ZNF292: variants seen among roughly 807,000 people sequenced by gnomAD.
ZNF292 encodes the protein 16 zinc-finger domain protein.
Under a neutral mutation model 217.9 loss-of-function variants are expected in ZNF292, and 26 were observed. That is an observed-to-expected ratio of 0.12 (90% CI 0.09 to 0.17). The LOEUF is 0.17. Among genes scored for constraint, ZNF292 ranks in the 10% least tolerant of loss-of-function variants. The probability of loss-of-function intolerance (pLI) is 1.00; values close to 1 mark genes in which losing one functional copy is unlikely to be tolerated. For missense variants in ZNF292, 2,904 were observed against 3,175.2 expected (o/e 0.91, Z 2.05); for synonymous variants, 1,257 against 1,124.1 (o/e 1.12, Z -2.37).
chr6:87,169,543 C>T (rs979299659), intron 1 of ZNF292: 5 of 282,884 alleles, frequency 1.8e-5, no homozygotes, highest in East Asian at 1.1e-4. Context: ...TTTGATTTAC[C>T]AAAGTTGATT....
chr6:87,189,218 T>A (rs1271524148), intron 1 of ZNF292, among the ~76,000 whole-genome samples: 1 of 151,800 alleles, frequency 6.6e-6, no homozygotes, highest in African/African-American at 2.4e-5. Flanking sequence ...AATAAATAAA[T>A]AAAAATAAAT....
intron 5 of ZNF292, among the ~76,000 whole-genome samples, chr6:87,234,374 T>C (rs1339484513): frequency 6.6e-6 from 1 of 152,022 alleles, no homozygotes; most frequent in East Asian, 1.9e-4. Context: ...CTGGCCAACG[T>C]AGTGAAACTC....
At chr6:87,225,691 T>G (rs1045607467) in intron 4 of ZNF292, among the ~76,000 whole-genome samples, 1 of 152,202 alleles carries the variant, frequency 6.6e-6, no homozygotes, top group Admixed American at 6.5e-5. Flanking sequence ...TTTCTACAGT[T>G]TTGCAAGAAG....
chr6:87,260,823 A>G lies in ZNF292; in HGVS notation c.7194A>G (p.Thr2398=). Residue 2398 remains threonine (T), a synonymous_variant, in exon 8 of 8, where the codon ACA becomes ACG. Transcript: ENST00000369577. ...TAAAGGGATGTACTTCAGTTGTTACAAGTGAAAGCAATATAATTAGACATT... is the reference window on the plus strand; with the variant it reads ...TAAAGGGATGTACTTCAGTTGTTACGAGTGAAAGCAATATAATTAGACATT... ...CMIKGCTSVV[T]SESNIIRHYK... is the part of the protein sequence containing the mutation. 6.2e-7 allele frequency: 1 copy of G among 1,612,444 alleles called. No homozygotes were observed. Among genetic ancestry groups the G allele is most frequent in the Non-Finnish European group, 8.5e-7 (1 of 1,179,124 alleles).
intron 1 of ZNF292, among the ~76,000 whole-genome samples, chr6:87,166,103 G>A (rs1419195957): frequency 6.6e-6 from 1 of 152,070 alleles, no homozygotes; most frequent in Non-Finnish European, 1.5e-5. Context: ...AACATATTAT[G>A]TTCACAGAAC....
chr6:87,251,986 T>C (rs1774940540), intron 7 of ZNF292, among the ~76,000 whole-genome samples: 1 of 152,194 alleles, frequency 6.6e-6, no homozygotes, highest in Middle Eastern at 3.2e-3. Flanking sequence ...TTTAGATGTG[T>C]CTTGTGAGCA....
chr6:87,169,432 A>G (rs1288368105), intron 1 of ZNF292, among the ~76,000 whole-genome samples: 2 of 152,084 alleles, frequency 1.3e-5, no homozygotes, highest in Admixed American at 1.3e-4. Flanking sequence ...GTAATTAACA[A>G]TTGGCTTGGT....
In ZNF292 at chr6:87,263,983, C is replaced by A. The variant is rs772639772; in HGVS notation, c.*2182C>A. Reference sequence around the variant, plus strand: ...AGACATTTCTAATTGTTTTACATGTCATGGGGAAGAGTTTGCCAACATTTA... The same window carrying A: ...AGACATTTCTAATTGTTTTACATGTAATGGGGAAGAGTTTGCCAACATTTA... On this transcript the variant is annotated 3_prime_UTR_variant, in exon 8 of 8. Coordinates refer to ENST00000369577, the MANE Select transcript of ZNF292 (RefSeq NM_015021.3). 7 of 151,966 alleles carry A rather than the reference C, an allele frequency of 4.6e-5. No individual in the cohort carries two copies. The highest frequency in any genetic ancestry group is 8.8e-5 in the Non-Finnish European group (6 of 67,982). 9.4% of individuals were successfully genotyped at this position (151,966 alleles called of 1,614,324 possible). A position where few individuals can be genotyped will look rare whatever the true frequency, so the allele number is the denominator to read the frequency against.
intron 1 of ZNF292, among the ~76,000 whole-genome samples, chr6:87,190,108 G>A (rs944592230): frequency 2.0e-4 from 30 of 152,158 alleles, no homozygotes; most frequent in Non-Finnish European, 4.0e-4. Flanking sequence ...GTGTGTATGT[G>A]TGTATGCATA....
At chr6:87,221,501 G>A (rs1773079638) in intron 4 of ZNF292, among the ~76,000 whole-genome samples, 1 of 152,122 alleles carries the variant, frequency 6.6e-6, no homozygotes, top group African/African-American at 2.4e-5. Context: ...TGAAAATTGT[G>A]AAAACTAATT....
chr6:87,247,767 A>G (rs1184771282), intron 7 of ZNF292, among the ~76,000 whole-genome samples: 1 of 152,206 alleles, frequency 6.6e-6, no homozygotes, highest in East Asian at 1.9e-4. Flanking sequence ...TAAATAATAT[A>G]ATTATGGAAA....
Position 87,263,888 on chromosome 6 carries a change from C to G in ZNF292, c.*2087C>G, listed in dbSNP as rs1003152055. On this transcript the variant is annotated 3_prime_UTR_variant, in exon 8 of 8. Coordinates refer to ENST00000369577, the MANE Select transcript of ZNF292 (RefSeq NM_015021.3). ...ATTTCTGATCATTGTAACTATGAGC[C>G]ACTGTTAAGTGAAAATGCCAATGTA... The G allele has an allele frequency of 6.6e-6, 1 of 151,992 alleles. No individual in the cohort carries two copies. The highest frequency in any genetic ancestry group is 1.5e-5 in the Non-Finnish European group (1 of 67,976). 9.4% of individuals were successfully genotyped at this position (151,992 alleles called of 1,614,324 possible).
Position 87,215,300 on chromosome 6 carries a change from AAC to A in ZNF292, c.169-600_169-599del, listed in dbSNP as rs529828600. ...GATGAGAAATATTTTTAATTAAAAA[AAC>A]ACTATTACAAAAATTACTTAACCTT... On this transcript the variant is annotated intron_variant, in intron 1 of 7. Coordinates refer to ENST00000369577, the MANE Select transcript of ZNF292 (RefSeq NM_015021.3). 3.3e-3 allele frequency among the ~76,000 whole-genome samples: 510 copies of A among 152,274 alleles called. 2 individuals carry two copies. The highest frequency in any genetic ancestry group is 4.2e-3 in the Non-Finnish European group (284 of 68,000).
intron 1 of ZNF292, among the ~76,000 whole-genome samples, chr6:87,211,953 C>T (rs1482701292): frequency 6.6e-6 from 1 of 152,006 alleles, no homozygotes; most frequent in Admixed American, 6.6e-5. Flanking sequence ...GAAGGGGTGT[C>T]GTAACAAAAA....
At chr6:87,201,858 G>T (rs1248568206) in intron 1 of ZNF292, among the ~76,000 whole-genome samples, 2 of 152,124 alleles carry the variant, frequency 1.3e-5, no homozygotes, top group Non-Finnish European at 2.9e-5. Context: ...TTCCTCACTG[G>T]TTTCTGATGG....
At chr6:87,200,437 C>A (rs1264657015) in intron 1 of ZNF292, among the ~76,000 whole-genome samples, 2 of 151,992 alleles carry the variant, frequency 1.3e-5, no homozygotes, top group Admixed American at 1.3e-4. Flanking sequence ...TAAAAACATT[C>A]CCTTTCTATG....
chr6:87,223,078 G>A (rs1267505824), intron 4 of ZNF292: 3 of 193,024 alleles, frequency 1.6e-5, no homozygotes, highest in Non-Finnish European at 3.3e-5. Context: ...TTTTTTGTTT[G>A]TTTGTTTGTT....
In ZNF292 at chr6:87,260,825, G is replaced by C. The variant is rs1775539079; in HGVS notation, c.7196G>C (p.Ser2399Thr). The change falls in exon 8 of 8, where the codon AGT (serine) becomes ACT (threonine). Residue 2399 changes from serine to threonine, a missense_variant. This residue lies in a region of ZNF292 where 27 missense variants were observed against 52.3 expected (regional missense o/e 0.52). Transcript: ENST00000369577. Reference sequence around the variant, plus strand: ...AAGGGATGTACTTCAGTTGTTACAAGTGAAAGCAATATAATTAGACATTAT... The same window carrying C: ...AAGGGATGTACTTCAGTTGTTACAACTGAAAGCAATATAATTAGACATTAT... ...MIKGCTSVVT[S>T]ESNIIRHYKC... 3 of 1,612,378 alleles carry C rather than the reference G, an allele frequency of 1.9e-6. No homozygotes were observed. The highest frequency in any genetic ancestry group is 2.5e-6 in the Non-Finnish European group (3 of 1,179,136).
chr6:87,216,106 TAGACACACAC>T lies in ZNF292; in HGVS notation c.323+51_323+60del, dbSNP rs1166230792. ...AACTAGATTTAGCTTTAAAAATACA[TAGACACACAC>T]ACACACACACACACACACACACACA... is the stretch of plus-strand genomic sequence containing the variant. On this transcript the variant is annotated intron_variant, in intron 2 of 7. Coordinates refer to ENST00000369577, the MANE Select transcript of ZNF292 (RefSeq NM_015021.3). The T allele has an allele frequency of 9.3e-5, 89 of 951,902 alleles. 3 individuals carry two copies. The African/African-American group carries it at 1.5e-3, about 16-fold the overall frequency. The allele number at this position is 951,902 out of a possible 1,614,324, so 59.0% of individuals were successfully genotyped here.
Sources: allele counts gnomAD v4.1 joint callset (sites outside exome capture counted in the v4.1 genomes callset), GRCh38; gene constraint gnomAD v4.1.1; regional missense constraint gnomAD v4.1.1; transcripts MANE v1.5; gene names NCBI Gene and HGNC (gene_info 2026-07-23, HGNC 2026-07-21).